Variants in ADAMTS16 observed in about 807,000 individuals in gnomAD.
ADAMTS16 encodes ADAM metallopeptidase with thrombospondin type 1 motif 16.
Under a neutral mutation model 145.8 loss-of-function variants are expected in ADAMTS16, and 94 were observed. The observed-to-expected ratio is 0.64, with a 90% CI of 0.55 to 0.77. The LOEUF (loss-of-function observed/expected upper bound fraction) is 0.77, where lower values mean the gene tolerates loss of function less well. Among genes scored for constraint, ADAMTS16 ranks in the 30% least tolerant of loss-of-function variants. The pLI, the probability that ADAMTS16 is intolerant of heterozygous loss-of-function variation, is 0.00. For synonymous variants in ADAMTS16, 659 were observed against 604.3 expected, an observed-to-expected ratio of 1.09 and a Z score of -1.33; for missense variants, 1,585 against 1,591.5, an observed-to-expected ratio of 1.00 and a Z score of 0.07.
chr5:5,280,107 G>T (rs1359517566), intron 18 of ADAMTS16, among the ~76,000 whole-genome samples: 2 of 151,324 alleles, frequency 1.3e-5, no homozygotes, highest in African/African-American at 4.9e-5. Flanking sequence ...CTCCTTTTTT[G>T]TGTGTGTTGA....
intron 18 of ADAMTS16, among the ~76,000 whole-genome samples, chr5:5,263,379 T>A (rs1738106233): frequency 6.6e-6 from 1 of 152,242 alleles, no homozygotes; most frequent in Admixed American, 6.5e-5. Flanking sequence ...TCAGGAGCCA[T>A]CACGTCTGGG....
At chr5:5,281,600 C>T (rs759709304) in intron 18 of ADAMTS16, among the ~76,000 whole-genome samples, 11 of 152,120 alleles carry the variant, frequency 7.2e-5, no homozygotes, top group Non-Finnish European at 1.3e-4. Context: ...CTACACAGAG[C>T]GTGAAGGTTA....
At chr5:5,239,570 G>T (rs1276163085) in intron 15 of ADAMTS16, 111 bp from the exon 16 acceptor site, 3 of 1,477,278 alleles carry the variant, frequency 2.0e-6, no homozygotes, top group Non-Finnish European at 1.8e-6. Flanking sequence ...TCTTCACCCA[G>T]TTCCAAATGT....
chr5:5,169,622 G>A (rs758106108), intron 3 of ADAMTS16, among the ~76,000 whole-genome samples: 35 of 152,290 alleles, frequency 2.3e-4, no homozygotes, highest in Non-Finnish European at 3.4e-4. Flanking sequence ...TTTCTGCAGC[G>A]TTGATTCTTG....
intron 18 of ADAMTS16, among the ~76,000 whole-genome samples, chr5:5,297,304 C>A (rs528465388): frequency 1.3e-5 from 2 of 152,304 alleles, no homozygotes; most frequent in East Asian, 1.9e-4. Flanking sequence ...GAAGAGAAGA[C>A]CTCTTACTCT....
chr5:5,163,705 TTATC>T (rs1734796259), intron 3 of ADAMTS16, among the ~76,000 whole-genome samples: 1 of 152,240 alleles, frequency 6.6e-6, no homozygotes, highest in African/African-American at 2.4e-5. Flanking sequence ...CTTTCGATAT[TTATC>T]TATTTGCCAT....
intron 21 of ADAMTS16, among the ~76,000 whole-genome samples, chr5:5,308,514 G>A (rs573417740): frequency 6.6e-6 from 1 of 152,164 alleles, no homozygotes; most frequent in Admixed American, 6.5e-5. Flanking sequence ...TCCCAAGGAG[G>A]AGGGAGCACC....
At chr5:5,315,497 T>C (rs1411652383) in intron 21 of ADAMTS16, among the ~76,000 whole-genome samples, 1 of 151,218 alleles carries the variant, frequency 6.6e-6, no homozygotes, top group Non-Finnish European at 1.5e-5. Flanking sequence ...AATTGAGGCA[T>C]ATCTTAAGCA....
At position 5,269,190 on chromosome 5, in the gene ADAMTS16, C is replaced by T. The variant is rs752995498; in HGVS notation, c.2789+6407C>T. On this transcript the variant is annotated intron_variant, in intron 18 of 22. Coordinates refer to ENST00000274181, the MANE Select transcript of ADAMTS16 (RefSeq NM_139056.4). The surrounding 1 kb of genome is among the most constrained non-coding windows in gnomAD (Gnocchi z 4.3). ...TCCCACCGCTCACTGCCCAGGACCC[C>T]GGAGCCCCCACCCAGGCCAGAGGCT... 5.3e-5 allele frequency among the ~76,000 whole-genome samples: 8 copies of T among 152,062 alleles called. No individual in the cohort carries two copies. The highest frequency in any genetic ancestry group is 6.6e-5 in the Admixed American group (1 of 15,266).
At chr5:5,162,107 A>G (rs1734755381) in intron 3 of ADAMTS16, among the ~76,000 whole-genome samples, 1 of 152,200 alleles carries the variant, frequency 6.6e-6, no homozygotes, top group African/African-American at 2.4e-5. Context: ...TGCATGTTAA[A>G]GTATGTGCCA....
intron 11 of ADAMTS16, among the ~76,000 whole-genome samples, chr5:5,225,947 A>AATTAATTC (rs1483303824): frequency 7.2e-5 from 11 of 152,156 alleles, no homozygotes; most frequent in East Asian, 3.9e-4. Flanking sequence ...GTCATGGCGA[A>AATTAATTC]ATTCAACAGA....
chr5:5,238,146 CT>C (rs1737170595), intron 14 of ADAMTS16, among the ~76,000 whole-genome samples: 1 of 152,098 alleles, frequency 6.6e-6, no homozygotes, highest in Admixed American at 6.5e-5. Context: ...CTGTACAGTC[CT>C]CAATTTTGTC....
chr5:5,154,723 C>G (rs993822593), intron 3 of ADAMTS16, among the ~76,000 whole-genome samples: 1 of 152,138 alleles, frequency 6.6e-6, no homozygotes, highest in Non-Finnish European at 1.5e-5. Context: ...CCAAGAATCA[C>G]TTGATGATAT....
intron 21 of ADAMTS16, among the ~76,000 whole-genome samples, chr5:5,312,738 A>G (rs542462432): frequency 6.6e-6 from 1 of 152,332 alleles, no homozygotes; most frequent in East Asian, 1.9e-4. Context: ...GATTTCAGGC[A>G]TGAGCCGCTG....
At chr5:5,172,280 A>G (rs1735061977) in intron 3 of ADAMTS16, among the ~76,000 whole-genome samples, 1 of 151,466 alleles carries the variant, frequency 6.6e-6, no homozygotes, top group Non-Finnish European at 1.5e-5. Context: ...TTTTTCTTCT[A>G]TTAATTTTTG....
intron 9 of ADAMTS16, among the ~76,000 whole-genome samples, chr5:5,205,836 T>C (rs1431391070): frequency 6.6e-6 from 1 of 152,276 alleles, no homozygotes; most frequent in Non-Finnish European, 1.5e-5. Flanking sequence ...ATTTATATGC[T>C]TTGTGTAACA....
chr5:5,140,464 C>T lies in ADAMTS16; in HGVS notation c.-4C>T. On this transcript the variant is annotated 5_prime_UTR_variant, in exon 1 of 23. Coordinates refer to ENST00000274181, the MANE Select transcript of ADAMTS16 (RefSeq NM_139056.4). ...TGGCCCCTAGCCCCTCGGAGCGCTCCTGGATGAAGCCCCGCGCGCGCGGAT... is the reference window on the plus strand; with the variant it reads ...TGGCCCCTAGCCCCTCGGAGCGCTCTTGGATGAAGCCCCGCGCGCGCGGAT... The T allele has an allele frequency of 4.0e-6, 6 of 1,510,574 alleles. No individual in the cohort carries two copies. The highest frequency in any genetic ancestry group is 5.3e-6 in the Non-Finnish European group (6 of 1,138,390). The allele number at this position is 1,510,574 out of a possible 1,614,324, so 93.6% of individuals were successfully genotyped here. A position where few individuals can be genotyped will look rare whatever the true frequency, so the allele number is the denominator to read the frequency against.
intron 9 of ADAMTS16, among the ~76,000 whole-genome samples, chr5:5,202,111 A>G (rs1011316968): frequency 1.1e-4 from 16 of 152,042 alleles, no homozygotes; most frequent in Non-Finnish European, 1.9e-4. Context: ...GATTGCCCCT[A>G]TGGCTGCGTC....
intron 9 of ADAMTS16, among the ~76,000 whole-genome samples, chr5:5,207,406 C>A (rs1476207465): frequency 6.6e-6 from 1 of 151,898 alleles, no homozygotes; most frequent in African/African-American, 2.4e-5. Flanking sequence ...TGCAACTTTG[C>A]CGTAACTTAT....
Sources: gnomAD v4.1 joint callset for allele counts (sites outside exome capture counted in the v4.1 genomes callset) on GRCh38, gnomAD v4.1.1 for gene constraint, Gnocchi (gnomAD v3.1) non-coding constraint, MANE v1.5 for transcripts, NCBI Gene and HGNC (gene_info 2026-07-23, HGNC 2026-07-21) for gene names.